GRIK4: variants seen among roughly 807,000 people sequenced by gnomAD.
GRIK4 encodes glutamate ionotropic receptor kainate type subunit 4.
A neutral mutation model predicts 104.9 loss-of-function variants in GRIK4; 40 were observed. The ratio of observed to expected loss-of-function variants is 0.38; its 90% CI spans 0.30 to 0.50. The LOEUF (loss-of-function observed/expected upper bound fraction) is 0.50, where lower values mean the gene tolerates loss of function less well. Ranked by LOEUF, GRIK4 falls within the 20% of genes least tolerant of loss-of-function variation. The probability of loss-of-function intolerance (pLI) is 0.93; values close to 1 mark genes in which losing one functional copy is unlikely to be tolerated. For synonymous variants in GRIK4, 485 were observed against 524.9 expected, an observed-to-expected ratio of 0.92 and a Z score of 1.04; for missense variants, 1,047 against 1,308.1, an observed-to-expected ratio of 0.80 and a Z score of 3.08.
intron 3 of GRIK4, among the ~76,000 whole-genome samples, chr11:120,754,627 A>G (rs1182127883): frequency 6.6e-6 from 1 of 152,194 alleles, no homozygotes; most frequent in Non-Finnish European, 1.5e-5. Context: ...ATTGCTAATC[A>G]TATGGTAAAT....
chr11:120,978,957 G>C (rs780206329), intron 19 of GRIK4, among the ~76,000 whole-genome samples: 2 of 152,212 alleles, frequency 1.3e-5, no homozygotes, highest in African/African-American at 4.8e-5. Flanking sequence ...GAAACAAAAT[G>C]TTCATTGGTG....
chr11:120,653,375 TA>T (rs1949648505), intron 1 of GRIK4, among the ~76,000 whole-genome samples: 4 of 152,262 alleles, frequency 2.6e-5, no homozygotes, highest in Admixed American at 2.6e-4. Context: ...GGTGTTAAGG[TA>T]AGGACACATC....
At chr11:120,853,174 C>T (rs1396969773) in intron 8 of GRIK4, among the ~76,000 whole-genome samples, 1 of 152,036 alleles carries the variant, frequency 6.6e-6, no homozygotes, top group African/African-American at 2.4e-5. Flanking sequence ...ATTGAGTGGC[C>T]GCTTCTTCCA....
intron 1 of GRIK4, among the ~76,000 whole-genome samples, chr11:120,581,814 C>CTT (rs576341557): frequency 1.4e-5 from 2 of 142,460 alleles, no homozygotes; most frequent in Non-Finnish European, 3.1e-5. Flanking sequence ...TTCTTTTTTT[C>CTT]TTTTTTTTTT....
At chr11:120,874,013 C>A (rs1037876612) in intron 9 of GRIK4, 53 bp from the exon 10 acceptor site, 12 of 1,516,476 alleles carry the variant, frequency 7.9e-6, no homozygotes, top group Non-Finnish European at 1.1e-5. Flanking sequence ...CCCTCCCTTT[C>A]TTCCTCTACA....
intron 11 of GRIK4, among the ~76,000 whole-genome samples, chr11:120,897,696 TAGAG>T (rs951040127): frequency 7.6e-5 from 10 of 132,108 alleles, no homozygotes; most frequent in African/African-American, 1.7e-4. Flanking sequence ...CAAAACACAA[TAGAG>T]AGAGAAAACG....
chr11:120,562,652 C>G (rs368288571), intron 1 of GRIK4, among the ~76,000 whole-genome samples: 2 of 152,090 alleles, frequency 1.3e-5, no homozygotes, highest in Non-Finnish European at 2.9e-5. Flanking sequence ...GGAGACGTGA[C>G]AGTGATCAGT....
At chr11:120,748,628 G>A (rs1245024407) in intron 3 of GRIK4, among the ~76,000 whole-genome samples, 1 of 152,172 alleles carries the variant, frequency 6.6e-6, no homozygotes, top group Non-Finnish European at 1.5e-5. Context: ...TCTGGCATTT[G>A]CACTTGGTTT....
At chr11:120,901,711 T>G (rs895924031) in intron 12 of GRIK4, among the ~76,000 whole-genome samples, 1 of 152,150 alleles carries the variant, frequency 6.6e-6, no homozygotes, top group Non-Finnish European at 1.5e-5. Flanking sequence ...GATGGGGAAG[T>G]GGCTGGGCTG....
At chr11:120,628,957 G>C (rs12292341) in intron 1 of GRIK4, among the ~76,000 whole-genome samples, 1 of 152,244 alleles carries the variant, frequency 6.6e-6, no homozygotes, top group South Asian at 2.1e-4. Flanking sequence ...TGGAGAATGC[G>C]TCTGCTGCCC....
intron 1 of GRIK4, among the ~76,000 whole-genome samples, chr11:120,580,367 C>T (rs557685922): frequency 6.6e-6 from 1 of 151,650 alleles, no homozygotes; most frequent in South Asian, 2.1e-4. Context: ...TCTCCACCTC[C>T]CGGGTTCAAG....
intron 20 of GRIK4, 102 bp from the exon 21 acceptor site, chr11:120,985,798 ACGAT>A (rs1487514029): frequency 1.2e-5 from 12 of 971,034 alleles, no homozygotes; most frequent in African/African-American, 3.4e-5. Context: ...TTAAGATGAC[ACGAT>A]TCTGTGACCG....
At chr11:120,598,002 CAG>C (rs1380779592) in intron 1 of GRIK4, among the ~76,000 whole-genome samples, 2 of 152,166 alleles carry the variant, frequency 1.3e-5, no homozygotes, top group African/African-American at 4.8e-5. Context: ...TCTCTTTCCT[CAG>C]AGAGATTAAA....
intron 13 of GRIK4, among the ~76,000 whole-genome samples, chr11:120,934,860 C>G (rs1646915610): frequency 1.3e-5 from 2 of 152,322 alleles, no homozygotes; most frequent in South Asian, 2.1e-4. Context: ...CCTTTTCTTT[C>G]TCCGGAGACC....
rs1375965400 is a variant in GRIK4 at position 120,580,301 on chromosome 11, A to G, written c.-159+68414A>G. On this transcript the variant is annotated intron_variant, in intron 1 of 20. Coordinates refer to ENST00000527524, the MANE Select transcript of GRIK4 (RefSeq NM_014619.5). ...TTCTTTATTTATTTTTTTGAGACAGAGTCTCACTCTGTCACCCACACTGGA... is the reference window on the plus strand; with the variant it reads ...TTCTTTATTTATTTTTTTGAGACAGGGTCTCACTCTGTCACCCACACTGGA... Among the ~76,000 whole-genome samples the G allele has an allele frequency of 2.1e-5, 3 of 143,630 alleles. No individual in the cohort carries two copies. In the Admixed American group the frequency reaches 2.2e-4, roughly 10 times the overall value. The allele number at this position is 143,630 out of a possible 152,430, so 94.2% of individuals were successfully genotyped here. A position where few individuals can be genotyped will look rare whatever the true frequency, so the allele number is the denominator to read the frequency against.
At chr11:120,564,006 A>G (rs1336950970) in intron 1 of GRIK4, among the ~76,000 whole-genome samples, 2 of 151,694 alleles carry the variant, frequency 1.3e-5, no homozygotes, top group Non-Finnish European at 2.9e-5. Context: ...GCTGCCGGAG[A>G]GCCTTTGAAA....
chr11:120,845,209 G>A (rs933750366), intron 8 of GRIK4, among the ~76,000 whole-genome samples: 4 of 152,338 alleles, frequency 2.6e-5, no homozygotes, highest in Middle Eastern at 3.4e-3. Context: ...GGGTTTAATG[G>A]AAGCTGCCAG....
chr11:120,817,267 G>A (rs1952986391), intron 5 of GRIK4, among the ~76,000 whole-genome samples: 3 of 151,938 alleles, frequency 2.0e-5, no homozygotes, highest in African/African-American at 7.3e-5. Flanking sequence ...CCTTCACCCT[G>A]TCTGGCATTT....
intron 3 of GRIK4, among the ~76,000 whole-genome samples, chr11:120,796,262 C>G (rs1271092333): frequency 6.6e-6 from 1 of 152,082 alleles, no homozygotes; most frequent in Non-Finnish European, 1.5e-5. Context: ...GTCTCGCTCT[C>G]CTGACCTCGT....
Sources: gnomAD v4.1 joint callset for allele counts (sites outside exome capture counted in the v4.1 genomes callset) on GRCh38, gnomAD v4.1.1 for gene constraint, MANE v1.5 for transcripts, NCBI Gene and HGNC (gene_info 2026-07-23, HGNC 2026-07-21) for gene names.